The following OTUD4 variants were observed in gnomAD, a reference collection of about 807,000 sequenced individuals.
OTUD4 encodes OTU deubiquitinase 4.
OTUD4 carries 24 observed loss-of-function variants against 130.4 expected under a neutral mutation model. The ratio of observed to expected loss-of-function variants is 0.18; its 90% CI spans 0.13 to 0.26. OTUD4 has a LOEUF of 0.26. Ranked by LOEUF, OTUD4 falls within the 10% of genes least tolerant of loss-of-function variation. The pLI is 1.00. For synonymous variants in OTUD4, 420 were observed against 472.5 expected (o/e 0.89, Z 1.44); for missense variants, 1,031 against 1,329.4 (o/e 0.78, Z 3.49).
chr4:145,157,874 C>A (rs191430866), intron 7 of OTUD4, among the ~76,000 whole-genome samples: 2 of 152,132 alleles, frequency 1.3e-5, no homozygotes, highest in Non-Finnish European at 2.9e-5. Flanking sequence ...CACCTGCCAA[C>A]TGCCATACAA....
In OTUD4 at chr4:145,134,967, A is replaced by G. The variant is rs1237777728; in HGVS notation, c.*2463T>C. ...TGCCTCTATTCTCTTATAAAGAAAT[A>G]TGTCAACATAACAGTATGACATAAC... On this transcript the variant is annotated 3_prime_UTR_variant, in exon 21 of 21. Transcript: ENST00000447906. 3 of 397,706 alleles carry G rather than the reference A, an allele frequency of 7.5e-6. No homozygotes were observed. The highest frequency in any genetic ancestry group is 4.1e-5 in the African/African-American group (2 of 48,602). The allele number at this position is 397,706 out of a possible 1,614,324, so 24.6% of individuals were successfully genotyped here.
In OTUD4 at chr4:145,179,836, C is replaced by T; in HGVS notation, c.138G>A (p.Leu46=). ...RKLVAKDGSC[L]FRAVAEQVLH... Reference sequence around the variant, plus strand: ...TTACCTGCTCCGCCACGGCCCGGAACAGGCACGACCCGTCCTTGGCGACCA... The same window carrying T: ...TTACCTGCTCCGCCACGGCCCGGAATAGGCACGACCCGTCCTTGGCGACCA... The change falls in exon 1 of 21, where the codon CTG becomes CTA. Residue 46 remains leucine, a synonymous_variant. Transcript: ENST00000447906. 1.3e-6 allele frequency: 2 copies of T among 1,512,130 alleles called. No homozygotes were observed. Among genetic ancestry groups the T allele is most frequent in the Non-Finnish European group, 1.8e-6 (2 of 1,134,740 alleles). 93.7% of individuals were successfully genotyped at this position (1,512,130 alleles called of 1,614,324 possible).
chr4:145,162,573 CA>C, intron 6 of OTUD4, 66 bp downstream of exon 6: 2 of 866,430 alleles, frequency 2.3e-6, no homozygotes, highest in East Asian at 2.8e-5. Context: ...AAAAACAAAA[CA>C]AAAAACAAAA....
Position 145,155,514 on chromosome 4 carries a change from C to T in OTUD4, c.809-39G>A, listed in dbSNP as rs1409466450. 8 of 1,598,016 alleles carry T rather than the reference C, an allele frequency of 5.0e-6. No homozygotes were observed. The African/African-American group carries it at 1.1e-4, about 22-fold the overall frequency. Reference sequence around the variant, plus strand: ...AAAGGTCAGTATAATATAAAGTTGACTTATTTTCAAGTGCTACAAAGCAAA... The same window carrying T: ...AAAGGTCAGTATAATATAAAGTTGATTTATTTTCAAGTGCTACAAAGCAAA... On this transcript the variant is annotated intron_variant, in intron 9 of 20. Transcript: ENST00000447906.
chr4:145,155,167 G>A lies in OTUD4; in HGVS notation c.873+244C>T, dbSNP rs568250710. 9.2e-5 allele frequency among the ~76,000 whole-genome samples: 14 copies of A among 152,178 alleles called. No individual in the cohort carries two copies. The South Asian group carries it at 2.5e-3, about 27-fold the overall frequency. On this transcript the variant is annotated intron_variant, in intron 10 of 20. Coordinates refer to ENST00000447906, the MANE Select transcript of OTUD4 (RefSeq NM_001366057.1). ...TTCTTTGAACCAAGTAATACCAAAGGCTGAATTGTTTTTAAAGATCATGTG... is the reference window on the plus strand; with the variant it reads ...TTCTTTGAACCAAGTAATACCAAAGACTGAATTGTTTTTAAAGATCATGTG...
At chr4:145,168,588 T>G (rs1359546521) in intron 3 of OTUD4, among the ~76,000 whole-genome samples, 1 of 151,892 alleles carries the variant, frequency 6.6e-6, no homozygotes, top group South Asian at 2.1e-4. Flanking sequence ...ACCAACAAAA[T>G]TAGATAGATG....
intron 17 of OTUD4, 118 bp downstream of exon 17, chr4:145,143,247 C>T (rs1750648332): frequency 1.8e-6 from 1 of 550,886 alleles, no homozygotes; most frequent in South Asian, 2.9e-5. Context: ...AACTGTGATG[C>T]CAGAAAAAAT....
chr4:145,146,125 G>C (rs190348489), intron 14 of OTUD4, 142 bp downstream of exon 14: 1 of 476,852 alleles, frequency 2.1e-6, no homozygotes, highest in Admixed American at 4.3e-5. Context: ...AGGAAAAATA[G>C]GAAAAATGTG....
intron 2 of OTUD4, among the ~76,000 whole-genome samples, chr4:145,172,508 A>G (rs1240703254): frequency 6.6e-6 from 1 of 152,208 alleles, no homozygotes; most frequent in East Asian, 1.9e-4. Context: ...TAATAACACA[A>G]CCTTTTTTAT....
At chr4:145,170,010 G>T (rs1461863438) in intron 3 of OTUD4, among the ~76,000 whole-genome samples, 1 of 152,178 alleles carries the variant, frequency 6.6e-6, no homozygotes, top group East Asian at 1.9e-4. Context: ...ATAAAGCAGA[G>T]AGGGGTACAG....
intron 7 of OTUD4, among the ~76,000 whole-genome samples, chr4:145,158,371 A>G (rs1241323033): frequency 6.6e-6 from 1 of 152,114 alleles, no homozygotes; most frequent in Non-Finnish European, 1.5e-5. Context: ...AGTCCCAGCT[A>G]CTTGGGAGGC....
intron 17 of OTUD4, among the ~76,000 whole-genome samples, chr4:145,142,959 A>G (rs1019356591): frequency 2.6e-5 from 4 of 152,210 alleles, no homozygotes; most frequent in African/African-American, 9.7e-5. Flanking sequence ...CAATCAGTAC[A>G]TTCCCTCCCA....
At chr4:145,168,405 T>TAAAAAAATAAAAAAAAAAAAAAAAA (rs1751982639) in intron 3 of OTUD4, among the ~76,000 whole-genome samples, 1 of 11,066 alleles carries the variant, frequency 9.0e-5, no homozygotes, top group Non-Finnish European at 2.0e-4. Flanking sequence ...ATAAATAAAA[T>TAAAAAAATAAAAAAAAAAAAAAAAA]AAAAAATTAA....
chr4:145,163,703 C>CTTTT (rs11430342), intron 5 of OTUD4, among the ~76,000 whole-genome samples: 4 of 126,492 alleles, frequency 3.2e-5, no homozygotes, highest in African/African-American at 1.2e-4. Context: ...TAATAGGAAC[C>CTTTT]TTTTTTTTTT....
Position 145,150,792 on chromosome 4 carries a change from G to A in OTUD4, c.1072+10C>T. On this transcript the variant is annotated intron_variant, in intron 12 of 20. Coordinates refer to ENST00000447906, the MANE Select transcript of OTUD4 (RefSeq NM_001366057.1). ...AATCCCAAAGGAATGATAGCTTGAT[G>A]TGCTCCTACCAGAATGGAAATTTTG... The A allele has an allele frequency of 1.2e-6, 2 of 1,610,178 alleles. No individual in the cohort carries two copies. Among genetic ancestry groups the A allele is most frequent in the African/African-American group, 1.3e-5 (1 of 74,946 alleles).
chr4:145,174,221 T>G (rs927834717), intron 2 of OTUD4, among the ~76,000 whole-genome samples: 1 of 152,168 alleles, frequency 6.6e-6, no homozygotes, highest in Admixed American at 6.5e-5. Flanking sequence ...TCTTGAACTC[T>G]TCACCTCCCA....
In OTUD4 at chr4:145,135,920, T is replaced by C. The variant is rs1272029712; in HGVS notation, c.*1510A>G. On this transcript the variant is annotated 3_prime_UTR_variant, in exon 21 of 21. Transcript: ENST00000447906. ...GTTATCAGAGAACCCAGAAAACCCA[T>C]CTGTTTCAGTTTGTCAAATTCAAGT... The C allele has an allele frequency of 6.6e-6, 1 of 152,626 alleles. No homozygotes were observed. Among genetic ancestry groups the C allele is most frequent in the Non-Finnish European group, 1.5e-5 (1 of 68,032 alleles). The allele number at this position is 152,626 out of a possible 1,614,324, so 9.5% of individuals were successfully genotyped here. A position where few individuals can be genotyped will look rare whatever the true frequency, so the allele number is the denominator to read the frequency against.
At chr4:145,165,956 G>C (rs1333772129) in intron 3 of OTUD4, among the ~76,000 whole-genome samples, 1 of 151,792 alleles carries the variant, frequency 6.6e-6, no homozygotes, top group East Asian at 2.0e-4. Context: ...GAGGTCGGGA[G>C]TTCGAGACCA....
At chr4:145,147,329 T>C (rs573423747) in intron 13 of OTUD4, among the ~76,000 whole-genome samples, 9 of 152,160 alleles carry the variant, frequency 5.9e-5, no homozygotes, top group South Asian at 4.2e-4. Context: ...CTAATTACAA[T>C]AGGACAGATG....
Sources: gnomAD v4.1 joint callset for allele counts (sites outside exome capture counted in the v4.1 genomes callset) on GRCh38, gnomAD v4.1.1 for gene constraint, MANE v1.5 for transcripts, NCBI Gene and HGNC (gene_info 2026-07-23, HGNC 2026-07-21) for gene names.